Variants in KCNQ3 observed in about 807,000 individuals in gnomAD.
The protein encoded by KCNQ3 is potassium voltage-gated channel subfamily Q member 3.
A neutral mutation model predicts 92.5 loss-of-function variants in KCNQ3; 30 were observed. That is an observed-to-expected ratio of 0.32 (90% CI 0.24 to 0.44). The LOEUF (loss-of-function observed/expected upper bound fraction) is 0.44, where lower values mean the gene tolerates loss of function less well. Among genes scored for constraint, KCNQ3 ranks in the 20% least tolerant of loss-of-function variants. KCNQ3 has a pLI of 1.00. For synonymous variants in KCNQ3, 450 were observed against 468.8 expected, an observed-to-expected ratio of 0.96 and a Z score of 0.52; for missense variants, 913 against 1,140.3, an observed-to-expected ratio of 0.80 and a Z score of 2.87.
At chr8:132,262,085 G>A (rs866847069) in intron 1 of KCNQ3, among the ~76,000 whole-genome samples, 11 of 152,138 alleles carry the variant, frequency 7.2e-5, no homozygotes, top group South Asian at 4.2e-4. Flanking sequence ...AAACATTATC[G>A]TAAGTGAAAG....
chr8:132,279,670 A>G (rs1028926557), intron 1 of KCNQ3, among the ~76,000 whole-genome samples: 4 of 152,216 alleles, frequency 2.6e-5, no homozygotes, highest in African/African-American at 9.6e-5. Context: ...ACACACGCAC[A>G]CACACGTGTA....
At chr8:132,318,839 C>G (rs1207706424) in intron 1 of KCNQ3, among the ~76,000 whole-genome samples, 2 of 152,198 alleles carry the variant, frequency 1.3e-5, no homozygotes, top group African/African-American at 4.8e-5. Context: ...ATCCATTTTC[C>G]TCAGGAATTT....
In KCNQ3 at chr8:132,122,676, AT is replaced by A. The variant is rs916319176; in HGVS notation, c.*6585del. On this transcript the variant is annotated 3_prime_UTR_variant, in exon 15 of 15. Transcript: ENST00000388996. ...ACTATTGTTGTTCTAGAACTTGACC[AT>A]CCTTCTTTCTGAATATCTCTTAGGA... is the stretch of plus-strand genomic sequence containing the variant. 1 of 152,178 alleles carries A rather than the reference AT, an allele frequency of 6.6e-6. No homozygotes were observed. The highest frequency in any genetic ancestry group is 1.5e-5 in the Non-Finnish European group (1 of 68,030). 9.4% of individuals were successfully genotyped at this position (152,178 alleles called of 1,614,324 possible).
chr8:132,197,092 A>C (rs1343873379), intron 1 of KCNQ3, among the ~76,000 whole-genome samples: 1 of 151,848 alleles, frequency 6.6e-6, no homozygotes, highest in Admixed American at 6.6e-5. Context: ...AAATTTGTAG[A>C]ACCCCTAGCA....
chr8:132,189,981 T>A (rs2130210258), intron 1 of KCNQ3, among the ~76,000 whole-genome samples: 1 of 149,336 alleles, frequency 6.7e-6, no homozygotes, highest in East Asian at 2.0e-4. Context: ...TTGTTTAAAA[T>A]CTTAAGTTCT....
At chr8:132,344,377 T>C (rs1401083358) in intron 1 of KCNQ3, among the ~76,000 whole-genome samples, 2 of 152,214 alleles carry the variant, frequency 1.3e-5, no homozygotes, top group Non-Finnish European at 2.9e-5. Flanking sequence ...CCAGGTGCCA[T>C]TTGAGGAAAC....
intron 1 of KCNQ3, among the ~76,000 whole-genome samples, chr8:132,312,680 T>C (rs1180204861): frequency 2.0e-5 from 3 of 152,164 alleles, no homozygotes; most frequent in Admixed American, 2.0e-4. Flanking sequence ...GTTCTTGTGA[T>C]AGTGAGTGAG....
rs150917732 is a variant in KCNQ3 at position 132,166,515 on chromosome 8, C to A, written c.1236-3021G>T. ...TCCACTGGTCAGCAGATCAGAAGAC[C>A]TGGGTTTGCCCTCAGTTATGCCCAG... is the stretch of plus-strand genomic sequence containing the variant. On this transcript the variant is annotated intron_variant, in intron 8 of 14. Coordinates refer to ENST00000388996, the MANE Select transcript of KCNQ3 (RefSeq NM_004519.4). Among the ~76,000 whole-genome samples the A allele has an allele frequency of 9.2e-3, 1,400 of 152,230 alleles. 11 individuals are homozygous for A. Among genetic ancestry groups the A allele is most frequent in the Non-Finnish European group, 0.015 (1,020 of 68,006 alleles).
intron 4 of KCNQ3, among the ~76,000 whole-genome samples, chr8:132,177,861 G>A (rs1283563347): frequency 6.6e-6 from 1 of 152,196 alleles, no homozygotes; most frequent in Non-Finnish European, 1.5e-5. Flanking sequence ...TCCCAGCTCT[G>A]GTAGCACAGC....
intron 1 of KCNQ3, among the ~76,000 whole-genome samples, chr8:132,477,879 G>T (rs2130872199): frequency 6.6e-6 from 1 of 152,302 alleles, no homozygotes; most frequent in African/African-American, 2.4e-5. Flanking sequence ...AAGAGCATCA[G>T]AACTGGAATC....
chr8:132,226,867 A>G (rs1000030581), intron 1 of KCNQ3, among the ~76,000 whole-genome samples: 53 of 152,294 alleles, frequency 3.5e-4, no homozygotes, highest in African/African-American at 1.3e-3. Context: ...TGACACTCAT[A>G]TAAAGGTTTA....
At chr8:132,379,572 C>G (rs1327101204) in intron 1 of KCNQ3, among the ~76,000 whole-genome samples, 1 of 152,180 alleles carries the variant, frequency 6.6e-6, no homozygotes, top group Non-Finnish European at 1.5e-5. Flanking sequence ...CAAACCCTTA[C>G]CAGTTGGCCC....
At chr8:132,148,402 AT>A (rs1237023077) in intron 9 of KCNQ3, among the ~76,000 whole-genome samples, 6 of 152,052 alleles carry the variant, frequency 3.9e-5, no homozygotes, top group Non-Finnish European at 7.4e-5. Context: ...CACCCAGCTA[AT>A]TTTTTGTATT....
At chr8:132,228,370 TGAGAGA>T (rs143844678) in intron 1 of KCNQ3, among the ~76,000 whole-genome samples, 4 of 148,768 alleles carry the variant, frequency 2.7e-5, no homozygotes, top group South Asian at 2.1e-4. Context: ...ACTGAGTTAT[TGAGAGA>T]GAGAGAGAGA....
intron 1 of KCNQ3, among the ~76,000 whole-genome samples, chr8:132,469,177 G>A (rs1822245845): frequency 2.0e-5 from 3 of 152,228 alleles, no homozygotes; most frequent in Admixed American, 2.0e-4. Flanking sequence ...CACAGGTGCT[G>A]AGGTATACGG....
chr8:132,311,776 C>A (rs1817600462), intron 1 of KCNQ3, among the ~76,000 whole-genome samples: 1 of 151,878 alleles, frequency 6.6e-6, no homozygotes, highest in Non-Finnish European at 1.5e-5. Flanking sequence ...GAAAGAGAGG[C>A]CCTACCAGGC....
At chr8:132,180,766 G>A (rs749793767) in intron 3 of KCNQ3, among the ~76,000 whole-genome samples, 12 of 151,596 alleles carry the variant, frequency 7.9e-5, no homozygotes, top group Non-Finnish European at 1.3e-4. Context: ...GTAGGAACTT[G>A]GGTTCAAGTA....
At chr8:132,324,455 C>A (rs1817983973) in intron 1 of KCNQ3, among the ~76,000 whole-genome samples, 1 of 152,204 alleles carries the variant, frequency 6.6e-6, no homozygotes, top group African/African-American at 2.4e-5. Flanking sequence ...CGAATGCAGA[C>A]ACAGTCATTA....
At chr8:132,294,362 G>C (rs1203625136) in intron 1 of KCNQ3, among the ~76,000 whole-genome samples, 2 of 152,130 alleles carry the variant, frequency 1.3e-5, no homozygotes, top group African/African-American at 2.4e-5. Flanking sequence ...TCAGAGGCAG[G>C]GGACTGGGGG....
Sources: gnomAD v4.1 joint callset for allele counts (sites outside exome capture counted in the v4.1 genomes callset) on GRCh38, gnomAD v4.1.1 for gene constraint, MANE v1.5 for transcripts, NCBI Gene and HGNC (gene_info 2026-07-23, HGNC 2026-07-21) for gene names.